The following CMSS1 variants were observed in gnomAD, a reference collection of about 807,000 sequenced individuals.
CMSS1 encodes protein CMSS1.
Under a neutral mutation model 43.5 loss-of-function variants are expected in CMSS1, and 33 were observed. The observed-to-expected ratio is 0.76, with a 90% CI of 0.57 to 1.01. The LOEUF is 1.01. CMSS1 is among the 50% of genes least tolerant of loss of function. The pLI is 0.00. For synonymous variants in CMSS1, 115 were observed against 117.2 expected, an observed-to-expected ratio of 0.98 and a Z score of 0.12; for missense variants, 313 against 326.4, an observed-to-expected ratio of 0.96 and a Z score of 0.32.
chr3:100,080,204 A>C (rs555316462), intron 1 of CMSS1, among the ~76,000 whole-genome samples: 66 of 152,234 alleles, frequency 4.3e-4, no homozygotes, highest in African/African-American at 1.6e-3. Flanking sequence ...GGCTGGTCTC[A>C]AACTCCTGAG....
chr3:100,098,107 A>G (rs886742589), intron 1 of CMSS1, among the ~76,000 whole-genome samples: 1 of 152,172 alleles, frequency 6.6e-6, no homozygotes, highest in Non-Finnish European at 1.5e-5. Context: ...CTGTGCTGTA[A>G]TTTGTTATTG....
intron 1 of CMSS1, among the ~76,000 whole-genome samples, chr3:100,009,438 A>G (rs531415067): frequency 2.6e-5 from 4 of 152,282 alleles, no homozygotes; most frequent in Admixed American, 1.3e-4. Context: ...ACATTAATGG[A>G]CCATGAAGAC....
At position 100,134,824 on chromosome 3, in the gene CMSS1, T is replaced by G. The variant is rs186513522; in HGVS notation, c.65-12149T>G. On this transcript the variant is annotated intron_variant, in intron 1 of 9. Coordinates refer to ENST00000421999, the MANE Select transcript of CMSS1 (RefSeq NM_032359.4). ...GGCTCTACCCATAAAGCCCAATGGA[T>G]TCTAATAACTTGCTTAAAGACCAGT... Among the ~76,000 whole-genome samples, 542 of 152,314 alleles carry G rather than the reference T, an allele frequency of 3.6e-3. 2 individuals carry two copies. Among genetic ancestry groups the G allele is most frequent in the African/African-American group, 0.012 (516 of 41,568 alleles).
chr3:99,964,854 ACT>A (rs1708599681), intron 1 of CMSS1, among the ~76,000 whole-genome samples: 1 of 151,226 alleles, frequency 6.6e-6, no homozygotes. Flanking sequence ...CTGTGGAAAA[ACT>A]CTTTCCTAAG....
chr3:99,933,237 C>T lies in CMSS1; in HGVS notation c.64+115194C>T, dbSNP rs143269384. On this transcript the variant is annotated intron_variant, in intron 1 of 9. Transcript: ENST00000421999. Reference sequence around the variant, plus strand: ...TATACACTGGTACAAATACCTTGTCCGAAAAATGCCTATAGCCTTACTGAA... The same window carrying T: ...TATACACTGGTACAAATACCTTGTCTGAAAAATGCCTATAGCCTTACTGAA... 1.7e-3 allele frequency among the ~76,000 whole-genome samples: 264 copies of T among 152,168 alleles called. 1 individual carries two copies. Among genetic ancestry groups the T allele is most frequent in the African/African-American group, 3.1e-3 (128 of 41,504 alleles).
intron 1 of CMSS1, among the ~76,000 whole-genome samples, chr3:100,089,960 A>T (rs11711935): frequency 0.4 from 61,443 of 152,008 alleles, 12,719 homozygotes; most frequent in Middle Eastern, 0.5. Flanking sequence ...ACAAAATTGG[A>T]GGGAGGAAAT....
intron 1 of CMSS1, among the ~76,000 whole-genome samples, chr3:99,841,325 T>G (rs1559651715): frequency 6.6e-6 from 1 of 152,248 alleles, no homozygotes; most frequent in East Asian, 1.9e-4. Context: ...TCAGATAAAC[T>G]GGAGCTTTCC....
chr3:99,870,864 C>T (rs1406347718), intron 1 of CMSS1, among the ~76,000 whole-genome samples: 2 of 152,166 alleles, frequency 1.3e-5, no homozygotes, highest in Non-Finnish European at 2.9e-5. Flanking sequence ...GTGCATCTTC[C>T]AGGCCTTCAC....
intron 1 of CMSS1, among the ~76,000 whole-genome samples, chr3:99,881,848 T>C (rs1705740394): frequency 6.6e-6 from 1 of 152,186 alleles, no homozygotes; most frequent in South Asian, 2.1e-4. Context: ...CTTTTTTAAG[T>C]AATACATTTT....
intron 2 of CMSS1, among the ~76,000 whole-genome samples, 168 bp from the exon 3 acceptor site, chr3:100,160,262 C>T (rs1359366758): frequency 1.3e-5 from 2 of 152,120 alleles, no homozygotes; most frequent in South Asian, 2.1e-4. Context: ...TCAGCCCAAC[C>T]GCTGCATAGT....
intron 1 of CMSS1, among the ~76,000 whole-genome samples, chr3:100,091,335 A>G (rs1407402157): frequency 6.6e-6 from 1 of 151,910 alleles, no homozygotes; most frequent in African/African-American, 2.4e-5. Flanking sequence ...AGGGGTGTGC[A>G]TGTATGTATG....
chr3:99,878,147 C>T (rs1352168374), intron 1 of CMSS1, among the ~76,000 whole-genome samples: 1 of 152,170 alleles, frequency 6.6e-6, no homozygotes, highest in Non-Finnish European at 1.5e-5. Flanking sequence ...TAATGTGTTA[C>T]TCCTGAAACA....
chr3:99,867,270 A>G (rs952299464), intron 1 of CMSS1, among the ~76,000 whole-genome samples: 2 of 152,142 alleles, frequency 1.3e-5, no homozygotes, highest in Admixed American at 6.5e-5. Flanking sequence ...TATGTGAGAA[A>G]TGTTCTGTTT....
intron 1 of CMSS1, among the ~76,000 whole-genome samples, chr3:100,059,051 C>G (rs2065514792): frequency 6.6e-6 from 1 of 152,124 alleles, no homozygotes; most frequent in Admixed American, 6.5e-5. Context: ...TAAAGGCTAC[C>G]TTTAGGGTAA....
chr3:99,940,122 T>C (rs1255626324), intron 1 of CMSS1, among the ~76,000 whole-genome samples: 1 of 152,192 alleles, frequency 6.6e-6, no homozygotes, highest in South Asian at 2.1e-4. Flanking sequence ...TAAATAGTGA[T>C]TTATCCAAGT....
chr3:99,927,722 A>AT (rs62789761), intron 1 of CMSS1, among the ~76,000 whole-genome samples: 11,922 of 151,822 alleles, frequency 0.079, 547 homozygotes, highest in Admixed American at 0.11. Flanking sequence ...TAGGCTATTA[A>AT]TTTTTTTTTA....
intron 1 of CMSS1, among the ~76,000 whole-genome samples, chr3:100,028,248 C>T (rs11712092): frequency 6.6e-6 from 1 of 152,156 alleles, no homozygotes. Context: ...CACACTGAAG[C>T]TAAGTAATTT....
Position 99,849,143 on chromosome 3 carries a change from G to A in CMSS1, c.64+31100G>A, listed in dbSNP as rs199545966. ...GTAGACTGGCTGCATTTGAAGGACA[G>A]CACAGATCCCTCATCATTAGGGTCC... is the stretch of plus-strand genomic sequence containing the variant. On this transcript the variant is annotated intron_variant, in intron 1 of 9. Coordinates refer to ENST00000421999, the MANE Select transcript of CMSS1 (RefSeq NM_032359.4). 70 of 1,614,130 alleles carry A rather than the reference G, an allele frequency of 4.3e-5. No homozygotes were observed. The Middle Eastern group carries it at 4.9e-4, about 11-fold the overall frequency.
intron 1 of CMSS1, among the ~76,000 whole-genome samples, chr3:99,972,961 C>A (rs1456454886): frequency 6.6e-6 from 1 of 152,162 alleles, no homozygotes; most frequent in Non-Finnish European, 1.5e-5. Flanking sequence ...GATCTTCACA[C>A]CTTTGGCAAT....
Sources: allele counts gnomAD v4.1 joint callset (sites outside exome capture counted in the v4.1 genomes callset), GRCh38; gene constraint gnomAD v4.1.1; transcripts MANE v1.5; gene names NCBI Gene and HGNC (gene_info 2026-07-23, HGNC 2026-07-21).